Variants in SGCZ observed in about 807,000 individuals in gnomAD.
The protein encoded by SGCZ is zeta-sarcoglycan.
In SGCZ, 40 loss-of-function variants were observed where a neutral mutation model predicts 41.3. The ratio of observed to expected loss-of-function variants is 0.97; its 90% confidence interval spans 0.75 to 1.26. The LOEUF (loss-of-function observed/expected upper bound fraction) is 1.26, where lower values mean the gene tolerates loss of function less well. Ranked by LOEUF, SGCZ falls within the 50% of genes most tolerant of loss-of-function variation. The probability of loss-of-function intolerance (pLI) is 0.00; values close to 1 mark genes in which losing one functional copy is unlikely to be tolerated. For missense variants in SGCZ, 552 were observed against 369.8 expected, an observed-to-expected ratio of 1.49 and a Z score of -4.04; for synonymous variants, 206 against 137.5, an observed-to-expected ratio of 1.50 and a Z score of -3.49.
intron 2 of SGCZ, among the ~76,000 whole-genome samples, chr8:14,478,139 T>G (rs1278152730): frequency 2.0e-5 from 3 of 152,198 alleles, no homozygotes; most frequent in Admixed American, 6.5e-5. Flanking sequence ...TTGGCAGCAT[T>G]TTTACAAAAC....
intron 1 of SGCZ, among the ~76,000 whole-genome samples, chr8:15,159,929 G>T (rs985609193): frequency 6.6e-6 from 1 of 151,690 alleles, no homozygotes; most frequent in East Asian, 1.9e-4. Flanking sequence ...GCACTTAGGG[G>T]GAAAAAGGAA....
intron 1 of SGCZ, among the ~76,000 whole-genome samples, chr8:14,675,368 C>T (rs1244554630): frequency 6.6e-6 from 1 of 151,816 alleles, no homozygotes; most frequent in African/African-American, 2.4e-5. Context: ...GAATGTACAA[C>T]ATATATTTAT....
intron 1 of SGCZ, among the ~76,000 whole-genome samples, chr8:14,662,722 T>C (rs1362839172): frequency 1.3e-5 from 2 of 152,120 alleles, no homozygotes; most frequent in African/African-American, 4.8e-5. Context: ...GCCAATTAGA[T>C]GAATTTAAGA....
chr8:14,151,004 G>A (rs1024561291), intron 5 of SGCZ, among the ~76,000 whole-genome samples: 11 of 152,044 alleles, frequency 7.2e-5, no homozygotes, highest in Non-Finnish European at 8.8e-5. Flanking sequence ...ATAGTAAAAC[G>A]ATGATTACCA....
chr8:14,886,030 T>C (rs189941095), intron 1 of SGCZ, among the ~76,000 whole-genome samples: 13,497 of 98,500 alleles, frequency 0.14, 936 homozygotes, highest in Admixed American at 0.23. Flanking sequence ...TATATATATA[T>C]ATATAAAATT....
chr8:15,204,602 C>T (rs1801002204), intron 1 of SGCZ, among the ~76,000 whole-genome samples: 1 of 152,130 alleles, frequency 6.6e-6, no homozygotes, highest in Non-Finnish European at 1.5e-5. Context: ...GTCTTCCCTT[C>T]CTTTGCGACT....
chr8:14,380,890 T>C (rs1047171098), intron 2 of SGCZ, among the ~76,000 whole-genome samples: 4 of 152,134 alleles, frequency 2.6e-5, no homozygotes, highest in East Asian at 1.9e-4. Flanking sequence ...AATTGTGTAA[T>C]TGTGTAAAGT....
rs71209049 is a variant in SGCZ, at chr8:14,485,833, A to ATTTTTTTTTTTTTT, written c.234+68885_234+68898dup. Among the ~76,000 whole-genome samples, 373 of 103,344 alleles carry ATTTTTTTTTTTTTT rather than the reference A, an allele frequency of 3.6e-3. 25 individuals are homozygous for ATTTTTTTTTTTTTT. Among genetic ancestry groups the ATTTTTTTTTTTTTT allele is most frequent in the Non-Finnish European group, 5.3e-3 (283 of 53,060 alleles). 67.8% of individuals were successfully genotyped at this position (103,344 alleles called of 152,430 possible). On this transcript the variant is annotated intron_variant, in intron 2 of 7. Transcript: ENST00000382080. ...ACTACTTTATATTTTCTCTAGAACA[A>ATTTTTTTTTTTTTT]TTTTTTTTTTTTTTTTTTTGAGACG...
intron 1 of SGCZ, among the ~76,000 whole-genome samples, chr8:14,632,534 T>C (rs1351667025): frequency 6.6e-6 from 1 of 152,110 alleles, no homozygotes; most frequent in African/African-American, 2.4e-5. Context: ...GAAATGTGTA[T>C]CCCTACATTG....
At chr8:14,413,606 CT>C (rs1799418493) in intron 2 of SGCZ, among the ~76,000 whole-genome samples, 1 of 151,934 alleles carries the variant, frequency 6.6e-6, no homozygotes, top group Non-Finnish European at 1.5e-5. Context: ...GAAATATATG[CT>C]GATAATGTTT....
rs1054376472 is a variant in SGCZ at position 14,786,302 on chromosome 8, T to C, written c.40-231376A>G. Reference sequence around the variant, plus strand: ...GCATTTACAAACCATCAATAGAGCATTGAAAGACAAATACATAAGTTCCCT... The same window carrying C: ...GCATTTACAAACCATCAATAGAGCACTGAAAGACAAATACATAAGTTCCCT... On this transcript the variant is annotated intron_variant, in intron 1 of 7. Coordinates refer to ENST00000382080, the MANE Select transcript of SGCZ (RefSeq NM_139167.4). Among the ~76,000 whole-genome samples, 6 of 152,200 alleles carry C rather than the reference T, an allele frequency of 3.9e-5. No individual in the cohort carries two copies. The East Asian group carries it at 5.8e-4, about 15-fold the overall frequency.
intron 2 of SGCZ, among the ~76,000 whole-genome samples, chr8:14,371,995 G>C (rs1317870197): frequency 1.3e-5 from 2 of 152,020 alleles, no homozygotes; most frequent in Admixed American, 1.3e-4. Context: ...TAAATTTATA[G>C]AGTAATCTTT....
intron 1 of SGCZ, among the ~76,000 whole-genome samples, chr8:15,064,580 A>G (rs1263065453): frequency 6.6e-6 from 1 of 151,690 alleles, no homozygotes; most frequent in African/African-American, 2.4e-5. Flanking sequence ...TCAGTGGAAG[A>G]ACTGAAGTTT....
intron 4 of SGCZ, among the ~76,000 whole-genome samples, chr8:14,178,000 C>G (rs1804606247): frequency 1.7e-5 from 2 of 115,448 alleles, no homozygotes; most frequent in Non-Finnish European, 3.3e-5. Flanking sequence ...CTCTGTCACC[C>G]AGGCTGGAGT....
At chr8:14,528,456 A>G (rs1168450042) in intron 2 of SGCZ, among the ~76,000 whole-genome samples, 3 of 152,138 alleles carry the variant, frequency 2.0e-5, no homozygotes, top group African/African-American at 4.8e-5. Flanking sequence ...AGGAAGCAGC[A>G]TGGTATAGAG....
intron 3 of SGCZ, among the ~76,000 whole-genome samples, chr8:14,279,447 T>C (rs1478792875): frequency 2.0e-5 from 3 of 151,884 alleles, no homozygotes; most frequent in Non-Finnish European, 4.4e-5. Flanking sequence ...TTCCCTAGAT[T>C]ACACATTTTT....
intron 1 of SGCZ, among the ~76,000 whole-genome samples, chr8:14,699,269 T>C (rs935242124): frequency 5.3e-5 from 8 of 150,752 alleles, no homozygotes; most frequent in African/African-American, 1.5e-4. Flanking sequence ...TCTTTTCAGA[T>C]ACATAGACCA....
At chr8:15,189,197 G>C (rs1489622574) in intron 1 of SGCZ, among the ~76,000 whole-genome samples, 1 of 152,124 alleles carries the variant, frequency 6.6e-6, no homozygotes, top group Non-Finnish European at 1.5e-5. Context: ...GATGTTCCAG[G>C]TCACATTTTA....
intron 4 of SGCZ, among the ~76,000 whole-genome samples, chr8:14,207,685 G>C (rs1164664164): frequency 6.6e-6 from 1 of 151,996 alleles, no homozygotes; most frequent in Non-Finnish European, 1.5e-5. Context: ...AGTATGTGTA[G>C]ATTGCCAAAT....
Sources: allele counts gnomAD v4.1 joint callset (sites outside exome capture counted in the v4.1 genomes callset), GRCh38; gene constraint gnomAD v4.1.1; transcripts MANE v1.5; gene names NCBI Gene and HGNC (gene_info 2026-07-23, HGNC 2026-07-21).